GABRB1: variants seen among roughly 807,000 people sequenced by gnomAD.
GABRB1 encodes gamma-aminobutyric acid type A receptor subunit beta1.
In GABRB1, 17 loss-of-function variants were observed where a neutral mutation model predicts 51.6. The ratio of observed to expected loss-of-function variants is 0.33; its 90% CI spans 0.23 to 0.49. The LOEUF is 0.49. Ranked by LOEUF, GABRB1 falls within the 20% of genes least tolerant of loss-of-function variation. The pLI is 0.99. For missense variants in GABRB1, 410 were observed against 600.6 expected, an observed-to-expected ratio of 0.68 and a Z score of 3.32; for synonymous variants, 247 against 218.9, an observed-to-expected ratio of 1.13 and a Z score of -1.14.
intron 1 of GABRB1, among the ~76,000 whole-genome samples, chr4:46,999,916 T>G (rs1437346859): frequency 2.0e-5 from 3 of 152,178 alleles, no homozygotes; most frequent in Non-Finnish European, 4.4e-5. Flanking sequence ...GCCCAAGGAC[T>G]TTCCAGACCT....
intron 4 of GABRB1, among the ~76,000 whole-genome samples, chr4:47,196,019 T>C (rs545194555): frequency 2.6e-5 from 4 of 152,332 alleles, no homozygotes; most frequent in East Asian, 1.9e-4. Flanking sequence ...CCATATGTAG[T>C]AGTACTGAAC....
intron 5 of GABRB1, among the ~76,000 whole-genome samples, chr4:47,333,191 TA>T (rs1356158871): frequency 0.018 from 16 of 882 alleles, no homozygotes; most frequent in East Asian, 0.056. Flanking sequence ...AAACCCATTT[TA>T]TTTATATATA....
intron 1 of GABRB1, among the ~76,000 whole-genome samples, chr4:47,017,388 A>G (rs1479110946): frequency 3.3e-5 from 5 of 152,212 alleles, no homozygotes; most frequent in African/African-American, 9.6e-5. Context: ...AACTCCTTGG[A>G]CAACTGAAAA....
intron 3 of GABRB1, among the ~76,000 whole-genome samples, chr4:47,115,499 T>C (rs4608784): frequency 6.6e-6 from 1 of 152,208 alleles, no homozygotes; most frequent in African/African-American, 2.4e-5. Flanking sequence ...TTTTATGATT[T>C]TTTAAATATA....
chr4:47,026,485 A>C (rs1052732405), intron 1 of GABRB1, among the ~76,000 whole-genome samples: 4 of 152,082 alleles, frequency 2.6e-5, no homozygotes, highest in African/African-American at 4.8e-5. Flanking sequence ...AAAATATGTA[A>C]AAACACATTA....
intron 1 of GABRB1, among the ~76,000 whole-genome samples, chr4:46,995,653 C>T (rs1723969807): frequency 2.0e-5 from 3 of 152,052 alleles, no homozygotes; most frequent in South Asian, 4.2e-4. Flanking sequence ...TGTAAGCCAC[C>T]GCCTTACATT....
chr4:47,410,727 T>C (rs1042782408), intron 8 of GABRB1, among the ~76,000 whole-genome samples: 3 of 152,048 alleles, frequency 2.0e-5, no homozygotes, highest in Non-Finnish European at 4.4e-5. Context: ...TGAACAGAGA[T>C]TTTAGTTACT....
At chr4:47,125,812 C>T (rs1716106827) in intron 3 of GABRB1, among the ~76,000 whole-genome samples, 1 of 149,650 alleles carries the variant, frequency 6.7e-6, no homozygotes, top group African/African-American at 2.4e-5. Context: ...GCCTCGGCCT[C>T]CCAAAGTGCT....
At chr4:47,195,433 TAGA>T (rs1719626692) in intron 4 of GABRB1, among the ~76,000 whole-genome samples, 1 of 120,136 alleles carries the variant, frequency 8.3e-6, no homozygotes, top group African/African-American at 3.5e-5. Flanking sequence ...GATAGATAGA[TAGA>T]TAGATAGATG....
chr4:47,184,788 ATACGCCTGAATTT>A (rs1183782757), intron 4 of GABRB1, among the ~76,000 whole-genome samples: 1 of 151,908 alleles, frequency 6.6e-6, no homozygotes, highest in Non-Finnish European at 1.5e-5. Context: ...CTTCACGGAA[ATACGCCTGAATTT>A]TATAGCCTCA....
chr4:47,279,734 C>T (rs1222970468), intron 4 of GABRB1, among the ~76,000 whole-genome samples: 1 of 151,948 alleles, frequency 6.6e-6, no homozygotes, highest in East Asian at 1.9e-4. Context: ...TTCCCTCCTC[C>T]CCCAATTTTG....
chr4:47,224,258 T>A (rs1720869809), intron 4 of GABRB1, among the ~76,000 whole-genome samples: 1 of 150,872 alleles, frequency 6.6e-6, no homozygotes, highest in Admixed American at 6.6e-5. Context: ...CTCATGACTC[T>A]CAAAAGGCTA....
chr4:47,182,763 A>C (rs898271542), intron 4 of GABRB1, among the ~76,000 whole-genome samples: 7 of 152,020 alleles, frequency 4.6e-5, no homozygotes, highest in South Asian at 2.1e-4. Context: ...AGTTAAAAAA[A>C]TTTAATTACA....
At chr4:47,046,102 C>A (rs4374601) in intron 3 of GABRB1, among the ~76,000 whole-genome samples, 133,313 of 151,960 alleles carry the variant, frequency 0.88, 58,883 homozygotes, top group Non-Finnish European at 0.92. Context: ...CCCTGCTTAC[C>A]CTTCTCTCTC....
At chr4:47,332,088 C>T (rs1355575347) in intron 5 of GABRB1, among the ~76,000 whole-genome samples, 3 of 152,180 alleles carry the variant, frequency 2.0e-5, no homozygotes, top group Admixed American at 2.0e-4. Flanking sequence ...TCTCTCTCAC[C>T]GAATCTGTCC....
At chr4:47,087,215 T>C (rs146817992) in intron 3 of GABRB1, among the ~76,000 whole-genome samples, 243 of 152,304 alleles carry the variant, frequency 1.6e-3, no homozygotes, top group African/African-American at 5.6e-3. Flanking sequence ...CAGACATACC[T>C]GAACTTCAGA....
At chr4:47,394,613 C>A (rs1728117936) in intron 5 of GABRB1, among the ~76,000 whole-genome samples, 1 of 152,112 alleles carries the variant, frequency 6.6e-6, no homozygotes, top group Non-Finnish European at 1.5e-5. Flanking sequence ...TGCCTTGTCT[C>A]CTTAAAGGAT....
chr4:47,214,021 T>C (rs1419666425), intron 4 of GABRB1, among the ~76,000 whole-genome samples: 1 of 152,182 alleles, frequency 6.6e-6, no homozygotes, highest in East Asian at 1.9e-4. Flanking sequence ...AAATTACTCC[T>C]GGTGGATGAT....
chr4:47,090,464 C>T (rs1728246753), intron 3 of GABRB1, among the ~76,000 whole-genome samples: 1 of 152,104 alleles, frequency 6.6e-6, no homozygotes, highest in African/African-American at 2.4e-5. Context: ...TTAAACACTG[C>T]AATGAGATCT....
Sources: allele counts gnomAD v4.1 joint callset (sites outside exome capture counted in the v4.1 genomes callset), GRCh38; gene constraint gnomAD v4.1.1; transcripts MANE v1.5; gene names NCBI Gene and HGNC (gene_info 2026-07-23, HGNC 2026-07-21).